Variants in LAMA2 observed in about 807,000 individuals in gnomAD.
The protein encoded by LAMA2 is laminin subunit alpha-2.
A neutral mutation model predicts 364.8 loss-of-function variants in LAMA2; 269 were observed. That is an observed-to-expected ratio of 0.74 (90% CI 0.67 to 0.82). LAMA2 has a LOEUF of 0.82. Ranked by LOEUF, LAMA2 falls within the 40% of genes least tolerant of loss-of-function variation. The probability of loss-of-function intolerance (pLI) is 0.00; values close to 1 mark genes in which losing one functional copy is unlikely to be tolerated. For synonymous variants in LAMA2, 1,379 were observed against 1,370.6 expected, an observed-to-expected ratio of 1.01 and a Z score of -0.14; for missense variants, 3,807 against 3,873.2, an observed-to-expected ratio of 0.98 and a Z score of 0.45.
chr6:129,064,729 C>T (rs529775366), intron 3 of LAMA2, among the ~76,000 whole-genome samples: 2 of 152,128 alleles, frequency 1.3e-5, no homozygotes, highest in East Asian at 3.9e-4. Flanking sequence ...AAATAGATAA[C>T]ATGAGCAGAT....
chr6:129,428,775 G>A (rs1435280505), intron 41 of LAMA2, among the ~76,000 whole-genome samples: 1 of 152,072 alleles, frequency 6.6e-6, no homozygotes, highest in Admixed American at 6.6e-5. Flanking sequence ...TTTTATTTCT[G>A]ATTCAGGAAT....
At chr6:129,186,031 T>C (rs180972032) in intron 10 of LAMA2, among the ~76,000 whole-genome samples, 10 of 151,682 alleles carry the variant, frequency 6.6e-5, no homozygotes, top group African/African-American at 2.4e-4. Context: ...GAATCACTAA[T>C]GGACTCTATA....
intron 1 of LAMA2, among the ~76,000 whole-genome samples, chr6:129,020,102 GA>G (rs57907508): frequency 0.051 from 6,805 of 134,054 alleles, 265 homozygotes; most frequent in African/African-American, 0.12. Flanking sequence ...GAAAAAAAAA[GA>G]AAAAAAAAAA....
intron 56 of LAMA2, 122 bp downstream of exon 56, chr6:129,486,744 A>G (rs1465942920): frequency 7.7e-6 from 7 of 913,324 alleles, no homozygotes; most frequent in Non-Finnish European, 1.1e-5. Flanking sequence ...TTGCAAAAGG[A>G]TACCGTAGCT....
Position 129,301,908 on chromosome 6 carries a change from G to C in LAMA2, c.3174+1036G>C, listed in dbSNP as rs145085922. ...AGTCTGTTTTTTTGAGGGGGGGTTT[G>C]TTTGTTTCTTTGTTTGGCTTCCTTC... On this transcript the variant is annotated intron_variant, in intron 22 of 64. Transcript: ENST00000421865. 8.9e-3 allele frequency among the ~76,000 whole-genome samples: 1,356 copies of C among 152,040 alleles called. 7 individuals are homozygous for C. Among genetic ancestry groups the C allele is most frequent in the Non-Finnish European group, 0.013 (917 of 67,928 alleles).
chr6:129,082,223 A>G (rs760406021), intron 3 of LAMA2, among the ~76,000 whole-genome samples: 1 of 152,078 alleles, frequency 6.6e-6, no homozygotes, highest in Non-Finnish European at 1.5e-5. Flanking sequence ...TAAGTAACCA[A>G]TGAATAGATA....
At chr6:128,906,555 G>C (rs1160720083) in intron 1 of LAMA2, among the ~76,000 whole-genome samples, 2 of 148,644 alleles carry the variant, frequency 1.3e-5, no homozygotes, top group Non-Finnish European at 3.0e-5. Context: ...AGATGAGTAG[G>C]TTGCGAAAAT....
At chr6:129,140,203 C>T (rs370220562) in intron 4 of LAMA2, among the ~76,000 whole-genome samples, 3 of 151,938 alleles carry the variant, frequency 2.0e-5, no homozygotes, top group African/African-American at 7.3e-5. Flanking sequence ...ATAAAAATGC[C>T]ATTGAGGCAC....
At chr6:128,942,844 G>T (rs1408718457) in intron 1 of LAMA2, among the ~76,000 whole-genome samples, 1 of 152,182 alleles carries the variant, frequency 6.6e-6, no homozygotes, top group Non-Finnish European at 1.5e-5. Flanking sequence ...GAGCTCATTT[G>T]GGGTGGCAGG....
At chr6:129,129,339 TAAA>T (rs1227207953) in intron 4 of LAMA2, among the ~76,000 whole-genome samples, 15 of 152,248 alleles carry the variant, frequency 9.9e-5, no homozygotes, top group Admixed American at 9.8e-4. Context: ...ATGCTTATTT[TAAA>T]ATTAACTAAT....
In LAMA2 at chr6:128,906,522, A is replaced by G. The variant is rs751166197; in HGVS notation, c.112+23165A>G. Among the ~76,000 whole-genome samples the G allele has an allele frequency of 8.6e-3, 1,208 of 141,026 alleles. 2 individuals are homozygous for G. Among genetic ancestry groups the G allele is most frequent in the Non-Finnish European group, 0.012 (807 of 64,700 alleles). 92.5% of individuals were successfully genotyped at this position (141,026 alleles called of 152,430 possible). ...GTAAATTTGTTTGAGTTCATTGTAG[A>G]TTCTGGATATTAGCCCTTTGTCAGA... On this transcript the variant is annotated intron_variant, in intron 1 of 64. Transcript: ENST00000421865.
chr6:129,415,297 T>C (rs1780727575), intron 40 of LAMA2, among the ~76,000 whole-genome samples: 1 of 152,064 alleles, frequency 6.6e-6, no homozygotes, highest in Non-Finnish European at 1.5e-5. Flanking sequence ...CTCCCTTTGA[T>C]TTTTTTTCAG....
At chr6:128,921,579 C>A (rs1215864816) in intron 1 of LAMA2, among the ~76,000 whole-genome samples, 1 of 151,962 alleles carries the variant, frequency 6.6e-6, no homozygotes, top group Non-Finnish European at 1.5e-5. Flanking sequence ...CATCCACAAG[C>A]CAAGCAATGC....
At chr6:129,351,043 A>G (rs1478907925) in intron 31 of LAMA2, among the ~76,000 whole-genome samples, 1 of 152,218 alleles carries the variant, frequency 6.6e-6, no homozygotes, top group African/African-American at 2.4e-5. Context: ...GATATAGGTG[A>G]TACAAGTACA....
rs374171358 is a variant in LAMA2, at chr6:129,035,109, TA to T, written c.113-14807del. ...AATTTACATTCCCACCAGCAGCGTATAAGCATTCCCTTTTCTCTGCAACCTC... is the reference window on the plus strand; with the variant it reads ...AATTTACATTCCCACCAGCAGCGTATAGCATTCCCTTTTCTCTGCAACCTC... On this transcript the variant is annotated intron_variant, in intron 1 of 64. Coordinates refer to ENST00000421865, the MANE Select transcript of LAMA2 (RefSeq NM_000426.4). Among the ~76,000 whole-genome samples the T allele has an allele frequency of 5.8e-3, 876 of 152,256 alleles. 12 individuals are homozygous for T. Among genetic ancestry groups the T allele is most frequent in the African/African-American group, 0.02 (836 of 41,578 alleles).
intron 1 of LAMA2, among the ~76,000 whole-genome samples, chr6:128,925,366 G>A (rs1433005557): frequency 6.6e-6 from 1 of 152,174 alleles, no homozygotes; most frequent in Admixed American, 6.5e-5. Flanking sequence ...GCTACCATAT[G>A]AATGGACCTT....
At chr6:129,295,925 A>G (rs1773150988) in intron 20 of LAMA2, among the ~76,000 whole-genome samples, 1 of 151,836 alleles carries the variant, frequency 6.6e-6, no homozygotes, top group Non-Finnish European at 1.5e-5. Context: ...TACCGTTTTA[A>G]TATATTATGT....
At chr6:129,321,120 G>A (rs1401334199) in intron 28 of LAMA2, among the ~76,000 whole-genome samples, 1 of 152,064 alleles carries the variant, frequency 6.6e-6, no homozygotes, top group Admixed American at 6.6e-5. Flanking sequence ...GTGCTGCTAT[G>A]AGTCATTACA....
At chr6:129,336,697 A>G (rs1311760210) in intron 29 of LAMA2, among the ~76,000 whole-genome samples, 1 of 152,222 alleles carries the variant, frequency 6.6e-6, no homozygotes, top group African/African-American at 2.4e-5. Flanking sequence ...GCTATTTCAT[A>G]GTATCCTTGT....
Sources: allele counts gnomAD v4.1 joint callset (sites outside exome capture counted in the v4.1 genomes callset), GRCh38; gene constraint gnomAD v4.1.1; transcripts MANE v1.5; gene names NCBI Gene and HGNC (gene_info 2026-07-23, HGNC 2026-07-21).